The following KALRN variants were observed in gnomAD, a reference collection of about 807,000 sequenced individuals.
KALRN encodes the protein kalirin RhoGEF kinase.
A neutral mutation model predicts 353.7 loss-of-function variants in KALRN; 70 were observed. The ratio of observed to expected loss-of-function variants is 0.20; its 90% CI spans 0.16 to 0.24. The LOEUF (loss-of-function observed/expected upper bound fraction) is 0.24, where lower values mean the gene tolerates loss of function less well. KALRN is among the 10% of genes least tolerant of loss of function. The pLI is 1.00. For synonymous variants in KALRN, 1,391 were observed against 1,434.8 expected (o/e 0.97, Z 0.69); for missense variants, 2,791 against 3,756.7 (o/e 0.74, Z 6.72).
intron 34 of KALRN, among the ~76,000 whole-genome samples, chr3:124,610,829 A>G (rs1271737531): frequency 1.4e-5 from 2 of 146,660 alleles, no homozygotes; most frequent in African/African-American, 5.2e-5. Context: ...TAGGCAACAT[A>G]GTAGGACCCC....
chr3:124,657,008 G>T (rs1020731305), intron 39 of KALRN, among the ~76,000 whole-genome samples: 2 of 152,198 alleles, frequency 1.3e-5, no homozygotes, highest in Non-Finnish European at 2.9e-5. Context: ...TTGTCCGTCA[G>T]ATGGGGATAA....
intron 1 of KALRN, among the ~76,000 whole-genome samples, chr3:124,050,596 G>T (rs1024102111): frequency 1.3e-5 from 2 of 152,136 alleles, no homozygotes; most frequent in African/African-American, 4.8e-5. Flanking sequence ...GAGCCTTAAG[G>T]TGGGAGTATA....
intron 20 of KALRN, among the ~76,000 whole-genome samples, chr3:124,446,556 G>C (rs901550378): frequency 6.6e-6 from 1 of 152,142 alleles, no homozygotes; most frequent in Non-Finnish European, 1.5e-5. Flanking sequence ...TCAGTCTACT[G>C]GGGGAGACCC....
chr3:124,446,589 A>G (rs549992806), intron 20 of KALRN, among the ~76,000 whole-genome samples, 174 bp from the exon 21 acceptor site: 1 of 152,306 alleles, frequency 6.6e-6, no homozygotes, highest in South Asian at 2.1e-4. Context: ...TAAATGTTCC[A>G]AAGCAAGGGA....
At chr3:124,679,366 G>A (rs1040759255) in intron 50 of KALRN, 92 bp from the exon 51 acceptor site, 36 of 1,093,946 alleles carry the variant, frequency 3.3e-5, no homozygotes, top group Non-Finnish European at 4.6e-5. Context: ...CATCGCCCAT[G>A]CTTCTCTGAA....
intron 33 of KALRN, among the ~76,000 whole-genome samples, chr3:124,498,920 A>G (rs1378600932): frequency 6.6e-6 from 1 of 151,832 alleles, no homozygotes; most frequent in Non-Finnish European, 1.5e-5. Flanking sequence ...GCTGGTTTCT[A>G]AGTGGTCAGA....
At chr3:124,118,104 G>A (rs929204705) in intron 1 of KALRN, among the ~76,000 whole-genome samples, 7 of 152,308 alleles carry the variant, frequency 4.6e-5, no homozygotes, top group Non-Finnish European at 7.4e-5. Flanking sequence ...GGCTGGCATG[G>A]AGGTAGGCAG....
chr3:124,504,095 A>C (rs1366060335), intron 33 of KALRN, among the ~76,000 whole-genome samples: 1 of 152,140 alleles, frequency 6.6e-6, no homozygotes, highest in African/African-American at 2.4e-5. Flanking sequence ...CCCGCATAAA[A>C]ATTTGTTTCA....
chr3:124,679,104 A>G (rs2087514598), intron 50 of KALRN, among the ~76,000 whole-genome samples: 1 of 152,308 alleles, frequency 6.6e-6, no homozygotes, highest in African/African-American at 2.4e-5. Flanking sequence ...ACTAAAACCC[A>G]GTCTAAGAGA....
At chr3:124,044,309 C>T (rs958102357) in intron 1 of KALRN, among the ~76,000 whole-genome samples, 3 of 152,102 alleles carry the variant, frequency 2.0e-5, no homozygotes, top group Admixed American at 2.0e-4. Context: ...GGGCACCAGG[C>T]TTATCTACCC....
chr3:124,165,913 G>T (rs1342495886), intron 1 of KALRN, among the ~76,000 whole-genome samples: 3 of 151,936 alleles, frequency 2.0e-5, no homozygotes, highest in Non-Finnish European at 4.4e-5. Flanking sequence ...ACCACTTCCT[G>T]CTTGTTCACT....
chr3:124,534,651 G>A (rs1350033739), intron 33 of KALRN, among the ~76,000 whole-genome samples: 2 of 152,132 alleles, frequency 1.3e-5, no homozygotes, highest in African/African-American at 4.8e-5. Flanking sequence ...AAGTCTAGTG[G>A]GGTGATCAAA....
chr3:124,119,780 T>G (rs1431622049), intron 1 of KALRN, among the ~76,000 whole-genome samples: 1 of 152,262 alleles, frequency 6.6e-6, no homozygotes, highest in Non-Finnish European at 1.5e-5. Context: ...GGAGGATGGC[T>G]TCAGGGTAAG....
chr3:124,101,045 A>G (rs1364049958), intron 1 of KALRN, among the ~76,000 whole-genome samples: 1 of 152,274 alleles, frequency 6.6e-6, no homozygotes, highest in Non-Finnish European at 1.5e-5. Context: ...ATAGGAGAAC[A>G]CATAGAACAT....
Position 124,646,391 on chromosome 3 carries a change from C to CTTTTTTTTTTTTT in KALRN, c.5665-4412_5665-4400dup, listed in dbSNP as rs10673161. Among the ~76,000 whole-genome samples the CTTTTTTTTTTTTT allele has an allele frequency of 7.1e-3, 784 of 110,284 alleles. 73 individuals are homozygous for CTTTTTTTTTTTTT. Among genetic ancestry groups the CTTTTTTTTTTTTT allele is most frequent in the African/African-American group, 0.024 (711 of 29,502 alleles). 72.4% of individuals were successfully genotyped at this position (110,284 alleles called of 152,430 possible). On this transcript the variant is annotated intron_variant, in intron 37 of 59. Coordinates refer to ENST00000682506, the MANE Select transcript of KALRN (RefSeq NM_001388419.1). ...GACTGCTAGAGGGATCTTTTGTTTA[C>CTTTTTTTTTTTTT]TTTTTTTTTTTTTTTTTGAGACAGA...
At chr3:124,234,970 G>A in intron 3 of KALRN, 27 bp downstream of exon 3, 2 of 1,520,644 alleles carry the variant, frequency 1.3e-6, no homozygotes, top group Non-Finnish European at 1.8e-6. Context: ...TGGCCTGCAG[G>A]GGAGCGGGAG....
chr3:124,556,502 G>A (rs1384119403), intron 33 of KALRN, among the ~76,000 whole-genome samples: 4 of 152,090 alleles, frequency 2.6e-5, no homozygotes, highest in Admixed American at 6.5e-5. Flanking sequence ...ATAGTAGGGC[G>A]AGGACAGAAG....
At chr3:124,274,917 C>T (rs1377394119) in intron 5 of KALRN, among the ~76,000 whole-genome samples, 12 of 152,202 alleles carry the variant, frequency 7.9e-5, no homozygotes, top group African/African-American at 2.7e-4. Flanking sequence ...TCCATGGGTG[C>T]CATGCTGAAA....
intron 12 of KALRN, among the ~76,000 whole-genome samples, chr3:124,396,640 A>G (rs2090193538): frequency 6.6e-6 from 1 of 152,258 alleles, no homozygotes; most frequent in South Asian, 2.1e-4. Flanking sequence ...ATCTATTCAA[A>G]AACTTTTCAC....
Sources: gnomAD v4.1 joint callset for allele counts (sites outside exome capture counted in the v4.1 genomes callset) on GRCh38, gnomAD v4.1.1 for gene constraint, MANE v1.5 for transcripts, NCBI Gene and HGNC (gene_info 2026-07-23, HGNC 2026-07-21) for gene names.